DLG2: variants seen among roughly 807,000 people sequenced by gnomAD.
DLG2 encodes the protein discs large MAGUK scaffold protein 2.
A neutral mutation model predicts 132.5 loss-of-function variants in DLG2; 45 were observed. That is an observed-to-expected ratio of 0.34 (90% CI 0.27 to 0.44). The LOEUF is 0.44. Among genes scored for constraint, DLG2 ranks in the 20% least tolerant of loss-of-function variants. The probability of loss-of-function intolerance (pLI) is 1.00; values close to 1 mark genes in which losing one functional copy is unlikely to be tolerated. For missense variants in DLG2, 1,045 were observed against 1,196.9 expected (o/e 0.87, Z 1.87); for synonymous variants, 424 against 419.6 (o/e 1.01, Z -0.13).
chr11:84,318,733 T>C (rs2098383950), intron 7 of DLG2, among the ~76,000 whole-genome samples: 1 of 152,218 alleles, frequency 6.6e-6, no homozygotes, highest in Non-Finnish European at 1.5e-5. Context: ...ATTGTGCCCA[T>C]CACAGAAGGT....
chr11:83,848,650 A>G (rs967927943), intron 16 of DLG2, among the ~76,000 whole-genome samples: 3 of 152,230 alleles, frequency 2.0e-5, no homozygotes, highest in Non-Finnish European at 4.4e-5. Flanking sequence ...GTTCAGGCCC[A>G]TGACATCTCT....
chr11:84,673,516 G>A (rs1010451063), intron 6 of DLG2, among the ~76,000 whole-genome samples: 2 of 150,950 alleles, frequency 1.3e-5, no homozygotes, highest in South Asian at 4.2e-4. Context: ...TATAGCATAT[G>A]TGTGATATTA....
chr11:83,990,059 G>A (rs1029238883), intron 11 of DLG2, among the ~76,000 whole-genome samples: 1 of 152,108 alleles, frequency 6.6e-6, no homozygotes, highest in African/African-American at 2.4e-5. Context: ...ACCTACTGTG[G>A]AATGTTGGGC....
chr11:84,931,159 A>AT (rs933902404), intron 6 of DLG2, among the ~76,000 whole-genome samples: 4 of 151,100 alleles, frequency 2.6e-5, no homozygotes, highest in Admixed American at 1.3e-4. Flanking sequence ...ACCTTTCAGT[A>AT]TTTTTTTTTA....
intron 6 of DLG2, among the ~76,000 whole-genome samples, chr11:85,077,525 A>C (rs1037824345): frequency 1.3e-5 from 2 of 152,126 alleles, no homozygotes; most frequent in African/African-American, 2.4e-5. Context: ...TGAAAAAAAC[A>C]GATATAAAGT....
rs777083657 is a variant in DLG2, at chr11:83,687,193, A to C, written c.1826-53868T>G. ...CAGACTTCTGGTCTCCAAAATGTTG[A>C]AACAATACATTTCTCTTGTTCTAAG... On this transcript the variant is annotated intron_variant, in intron 18 of 27. Transcript: ENST00000376104. 3.3e-5 allele frequency among the ~76,000 whole-genome samples: 5 copies of C among 152,218 alleles called. No homozygotes were observed. The East Asian group carries it at 9.6e-4, about 29-fold the overall frequency.
At chr11:83,715,957 G>A (rs1422556342) in intron 18 of DLG2, among the ~76,000 whole-genome samples, 1 of 152,094 alleles carries the variant, frequency 6.6e-6, no homozygotes, top group African/African-American at 2.4e-5. Flanking sequence ...CCTCACCTAG[G>A]AGCCTATAAG....
chr11:83,881,910 T>TA (rs941472675), intron 15 of DLG2, among the ~76,000 whole-genome samples: 151 of 151,986 alleles, frequency 9.9e-4, no homozygotes, highest in African/African-American at 3.3e-3. Flanking sequence ...CTTGAAAATC[T>TA]AAAAAAAAGT....
intron 6 of DLG2, among the ~76,000 whole-genome samples, chr11:84,852,366 T>C (rs150672165): frequency 6.6e-6 from 1 of 152,182 alleles, no homozygotes; most frequent in African/African-American, 2.4e-5. Context: ...ACCTTACTTA[T>C]GGTTTAATCC....
intron 3 of DLG2, chr11:85,452,453 C>A: frequency 6.1e-6 from 1 of 164,974 alleles, no homozygotes; most frequent in Non-Finnish European, 1.3e-5. Context: ...CCTCTATAGT[C>A]TCCACCACCA....
chr11:83,836,571 G>A (rs2056230705), intron 16 of DLG2, among the ~76,000 whole-genome samples: 1 of 152,116 alleles, frequency 6.6e-6, no homozygotes, highest in Non-Finnish European at 1.5e-5. Flanking sequence ...GATTAGGCCA[G>A]GCCCACCCAG....
At chr11:85,161,465 G>A (rs1372763492) in intron 4 of DLG2, among the ~76,000 whole-genome samples, 2 of 152,202 alleles carry the variant, frequency 1.3e-5, no homozygotes, top group Non-Finnish European at 2.9e-5. Context: ...CCTGGTGTCA[G>A]GTTGATTATA....
chr11:84,600,032 A>C (rs968612190), intron 6 of DLG2, among the ~76,000 whole-genome samples: 1 of 150,024 alleles, frequency 6.7e-6, no homozygotes, highest in African/African-American at 2.5e-5. Context: ...CTGAGGCTGC[A>C]GTGAATCCTG....
At chr11:85,331,571 G>A (rs1182719524) in intron 3 of DLG2, among the ~76,000 whole-genome samples, 1 of 152,128 alleles carries the variant, frequency 6.6e-6, no homozygotes, top group African/African-American at 2.4e-5. Context: ...TATCTAGGTA[G>A]TAAGCATAGT....
intron 6 of DLG2, among the ~76,000 whole-genome samples, chr11:84,567,822 AC>A (rs546274412): frequency 1.1e-3 from 169 of 152,186 alleles, no homozygotes; most frequent in African/African-American, 3.9e-3. Context: ...CCTTTTGAAA[AC>A]CCCAATACAT....
intron 3 of DLG2, among the ~76,000 whole-genome samples, chr11:85,394,596 A>C (rs2087118695): frequency 6.6e-6 from 1 of 152,246 alleles, no homozygotes; most frequent in Non-Finnish European, 1.5e-5. Context: ...CAAAAGACTG[A>C]GAAAATGTAA....
At chr11:85,117,008 C>T (rs1314415717) in intron 5 of DLG2, among the ~76,000 whole-genome samples, 34 of 151,968 alleles carry the variant, frequency 2.2e-4, no homozygotes, top group Admixed American at 2.2e-3. Flanking sequence ...GGATTTGACT[C>T]TCACCTAAGA....
At chr11:85,425,817 C>T (rs549118441) in intron 3 of DLG2, among the ~76,000 whole-genome samples, 1 of 152,112 alleles carries the variant, frequency 6.6e-6, no homozygotes, top group East Asian at 1.9e-4. Context: ...GCACACCAAG[C>T]AAGAGCCGAA....
In DLG2 at chr11:85,258,132, T is replaced by C. The variant is rs550369595; in HGVS notation, c.186+27088A>G. ...GTCAACTACCAAATTTAGAGTAATA[T>C]GTAATTTGTGGCCTTATATTACTTT... is the stretch of plus-strand genomic sequence containing the variant. On this transcript the variant is annotated intron_variant, in intron 4 of 27. Transcript: ENST00000376104. Among the ~76,000 whole-genome samples the C allele has an allele frequency of 2.6e-5, 4 of 152,198 alleles. No individual in the cohort carries two copies. The East Asian group carries it at 7.7e-4, about 29-fold the overall frequency.
Sources: gnomAD v4.1 joint callset for allele counts (sites outside exome capture counted in the v4.1 genomes callset) on GRCh38, gnomAD v4.1.1 for gene constraint, MANE v1.5 for transcripts, NCBI Gene and HGNC (gene_info 2026-07-23, HGNC 2026-07-21) for gene names.